The following NRG1 variants were observed in gnomAD, a reference collection of about 807,000 sequenced individuals.
NRG1 encodes pro-neuregulin-1, membrane-bound isoform.
Under a neutral mutation model 63.8 loss-of-function variants are expected in NRG1, and 18 were observed. That is an observed-to-expected ratio of 0.28 (90% CI 0.19 to 0.42). NRG1 has a LOEUF of 0.42. Ranked by LOEUF, NRG1 falls within the 10% of genes least tolerant of loss-of-function variation. The probability of loss-of-function intolerance (pLI) is 1.00; values close to 1 mark genes in which losing one functional copy is unlikely to be tolerated. For synonymous variants in NRG1, 302 were observed against 301.3 expected, an observed-to-expected ratio of 1.00 and a Z score of -0.02; for missense variants, 762 against 814.7, an observed-to-expected ratio of 0.94 and a Z score of 0.79.
intron 1 of NRG1, among the ~76,000 whole-genome samples, chr8:31,720,181 T>G (rs1812766148): frequency 6.6e-6 from 1 of 152,218 alleles, no homozygotes; most frequent in East Asian, 1.9e-4. Context: ...TCTCCCCATA[T>G]TAGATGATCT....
At chr8:32,409,380 A>C (rs1015217235) in intron 1 of NRG1, among the ~76,000 whole-genome samples, 3 of 152,214 alleles carry the variant, frequency 2.0e-5, no homozygotes, top group African/African-American at 7.2e-5. Context: ...AAGCAAGCAA[A>C]TGCAACAAAA....
rs374459445 is a variant in NRG1, at chr8:32,297,848, C to T, written c.38-297980C>T. On this transcript the variant is annotated intron_variant, in intron 1 of 10. Transcript: ENST00000519301. ...CCTGGTGGACCTCAAGAACTGTCTC[C>T]CTCTAGTAATAATCATATAACATTA... 3.9e-5 allele frequency among the ~76,000 whole-genome samples: 6 copies of T among 152,168 alleles called. No individual in the cohort carries two copies. The East Asian group carries it at 5.8e-4, about 15-fold the overall frequency.
chr8:31,914,747 T>C (rs1833237379), intron 1 of NRG1, among the ~76,000 whole-genome samples: 1 of 152,148 alleles, frequency 6.6e-6, no homozygotes, highest in South Asian at 2.1e-4. Context: ...AATAATCTTT[T>C]TTTTTCAGGA....
At chr8:32,484,234 T>G (rs1347524541) in intron 1 of NRG1, among the ~76,000 whole-genome samples, 1 of 151,894 alleles carries the variant, frequency 6.6e-6, no homozygotes, top group Non-Finnish European at 1.5e-5. Flanking sequence ...GGGAAAGGAA[T>G]GAAGAAACTG....
intron 1 of NRG1, among the ~76,000 whole-genome samples, chr8:32,488,860 G>C (rs748065493): frequency 6.6e-6 from 1 of 152,104 alleles, no homozygotes; most frequent in Non-Finnish European, 1.5e-5. Flanking sequence ...CCCATGGCTG[G>C]GATTGTTACC....
At position 31,760,289 on chromosome 8, in the gene NRG1, C is replaced by T. The variant is rs111485709; in HGVS notation, c.37+120858C>T. Among the ~76,000 whole-genome samples the T allele has an allele frequency of 3.1e-3, 478 of 152,218 alleles. 1 individual carries two copies. The highest frequency in any genetic ancestry group is 0.011 in the African/African-American group (448 of 41,544). On this transcript the variant is annotated intron_variant, in intron 1 of 10. Transcript: ENST00000519301. ...ATATGGCTAGCCAGTTTTCCCAGCA[C>T]CATTTGTTAAATAGGGAATCCTTTC...
At chr8:32,456,019 A>G (rs934314664) in intron 1 of NRG1, among the ~76,000 whole-genome samples, 9 of 152,168 alleles carry the variant, frequency 5.9e-5, no homozygotes, top group African/African-American at 1.9e-4. Context: ...CTTGACTTCA[A>G]GTGATCTACC....
intron 1 of NRG1, among the ~76,000 whole-genome samples, chr8:32,153,082 T>C (rs1390915361): frequency 9.2e-6 from 1 of 108,950 alleles, no homozygotes; most frequent in Non-Finnish European, 2.2e-5. Flanking sequence ...CCCCCAATTC[T>C]AAAAAAATTA....
intron 1 of NRG1, among the ~76,000 whole-genome samples, chr8:31,903,109 T>C (rs1340482219): frequency 2.7e-5 from 4 of 150,394 alleles, no homozygotes; most frequent in East Asian, 2.0e-4. Context: ...AAAATGTGAG[T>C]GAAGGAGGCT....
chr8:31,915,770 T>C (rs1432275806), intron 1 of NRG1, among the ~76,000 whole-genome samples: 4 of 152,142 alleles, frequency 2.6e-5, no homozygotes, highest in Non-Finnish European at 2.9e-5. Flanking sequence ...TAGCAGCTCA[T>C]TGGAGATGAC....
chr8:31,789,560 A>C (rs1820494130), intron 1 of NRG1, among the ~76,000 whole-genome samples: 1 of 152,232 alleles, frequency 6.6e-6, no homozygotes, highest in South Asian at 2.1e-4. Context: ...ATGATAAACC[A>C]CAACGTGATA....
At position 31,640,649 on chromosome 8, in the gene NRG1, C is replaced by T; in HGVS notation, c.37+1218C>T. The T allele has an allele frequency of 6.2e-7, 1 of 1,608,484 alleles. No individual in the cohort carries two copies. The highest frequency in any genetic ancestry group is 8.5e-7 in the Non-Finnish European group (1 of 1,178,490). On this transcript the variant is annotated intron_variant, in intron 1 of 10. Transcript: ENST00000519301. The surrounding 1 kb of genome is among the most constrained non-coding windows in gnomAD (Gnocchi z 6.3). Reference sequence around the variant, plus strand: ...AACAGCACCAGCCGCGCGCCGGCCGCCTTCCGAGCCTCTTTCCCCCCTCTG... The same window carrying T: ...AACAGCACCAGCCGCGCGCCGGCCGTCTTCCGAGCCTCTTTCCCCCCTCTG...
At chr8:32,238,195 G>T (rs1586298473) in intron 1 of NRG1, among the ~76,000 whole-genome samples, 1 of 152,112 alleles carries the variant, frequency 6.6e-6, no homozygotes, top group African/African-American at 2.4e-5. Flanking sequence ...AGGCGTGGTG[G>T]CTCATGCCTG....
intron 1 of NRG1, among the ~76,000 whole-genome samples, chr8:32,249,651 G>A (rs2129470209): frequency 6.6e-6 from 1 of 152,132 alleles, no homozygotes. Flanking sequence ...GCTACCAATA[G>A]ACAAGGGTCC....
intron 1 of NRG1, among the ~76,000 whole-genome samples, chr8:32,537,363 A>G (rs1832115196): frequency 6.6e-6 from 1 of 152,098 alleles, no homozygotes; most frequent in African/African-American, 2.4e-5. Context: ...TGATAAGAGA[A>G]GGTAAATTCA....
At chr8:31,700,926 A>T (rs1810566112) in intron 1 of NRG1, among the ~76,000 whole-genome samples, 1 of 152,196 alleles carries the variant, frequency 6.6e-6, no homozygotes, top group Non-Finnish European at 1.5e-5. Flanking sequence ...GACATTTGCT[A>T]GTTTAAATCA....
intron 1 of NRG1, among the ~76,000 whole-genome samples, chr8:32,485,357 C>T (rs559069521): frequency 4.9e-4 from 75 of 152,266 alleles, no homozygotes; most frequent in African/African-American, 1.5e-3. Context: ...CCTCCCTCCT[C>T]GGCCTCCCAA....
At chr8:31,952,425 A>G (rs1255407859) in intron 1 of NRG1, among the ~76,000 whole-genome samples, 2 of 152,376 alleles carry the variant, frequency 1.3e-5, no homozygotes, top group Non-Finnish European at 2.9e-5. Flanking sequence ...GGGTGATACA[A>G]TGAATGAGTA....
chr8:32,529,591 C>T (rs1295532679), intron 1 of NRG1, among the ~76,000 whole-genome samples: 1 of 152,084 alleles, frequency 6.6e-6, no homozygotes, highest in African/African-American at 2.4e-5. Context: ...ATTCTATAAG[C>T]TTTTTCTGTT....
Sources: allele counts gnomAD v4.1 joint callset (sites outside exome capture counted in the v4.1 genomes callset), GRCh38; gene constraint gnomAD v4.1.1; non-coding constraint Gnocchi (gnomAD v3.1); transcripts MANE v1.5; gene names NCBI Gene and HGNC (gene_info 2026-07-23, HGNC 2026-07-21).